Variants in WDFY3 observed in about 807,000 individuals in gnomAD.
The protein encoded by WDFY3 is WD repeat and FYVE domain-containing protein 3.
A neutral mutation model predicts 409.6 loss-of-function variants in WDFY3; 66 were observed. The observed-to-expected ratio is 0.16, with a 90% CI of 0.13 to 0.20. The LOEUF is 0.20. WDFY3 is among the 10% of genes least tolerant of loss of function. The pLI is 1.00. For missense variants in WDFY3, 3,031 were observed against 4,298.1 expected, an observed-to-expected ratio of 0.71 and a Z score of 8.24; for synonymous variants, 1,521 against 1,537.1, an observed-to-expected ratio of 0.99 and a Z score of 0.25.
In WDFY3 at chr4:84,793,795, T is replaced by C. The variant is rs193152763; in HGVS notation, c.3487+724A>G. Among the ~76,000 whole-genome samples the C allele has an allele frequency of 1.9e-3, 283 of 152,314 alleles. 2 individuals carry two copies. The highest frequency in any genetic ancestry group is 6.5e-3 in the African/African-American group (271 of 41,572). On this transcript the variant is annotated intron_variant, in intron 21 of 67. Coordinates refer to ENST00000295888, the MANE Select transcript of WDFY3 (RefSeq NM_014991.6). Reference sequence around the variant, plus strand: ...GAATACTACAACCTTACAATCTAATTAAAAGACTAACATTCATATTATATT... The same window carrying C: ...GAATACTACAACCTTACAATCTAATCAAAAGACTAACATTCATATTATATT...
rs183978842 is a variant in WDFY3 at position 84,846,417 on chromosome 4, T to C, written c.304+3485A>G. Among the ~76,000 whole-genome samples, 8 of 152,006 alleles carry C rather than the reference T, an allele frequency of 5.3e-5. No individual in the cohort carries two copies. The East Asian group carries it at 1.5e-3, about 29-fold the overall frequency. ...TACTGTAATTAACAATGAGACATCT[T>C]CTACTTGATTTAAGACATCTTTCAT... is the stretch of plus-strand genomic sequence containing the variant. On this transcript the variant is annotated intron_variant, in intron 5 of 67. Coordinates refer to ENST00000295888, the MANE Select transcript of WDFY3 (RefSeq NM_014991.6).
At chr4:84,933,459 T>C (rs1771022139) in intron 1 of WDFY3, among the ~76,000 whole-genome samples, 1 of 152,144 alleles carries the variant, frequency 6.6e-6, no homozygotes, top group African/African-American at 2.4e-5. Flanking sequence ...GATGTTTTAA[T>C]ACAGGCATAC....
intron 64 of WDFY3, among the ~76,000 whole-genome samples, 169 bp downstream of exon 64, chr4:84,682,205 A>G (rs1364800658): frequency 6.6e-6 from 1 of 152,220 alleles, no homozygotes; most frequent in Non-Finnish European, 1.5e-5. Context: ...TGAAGTAGAG[A>G]AAACCTTGCA....
At chr4:84,734,999 C>T (rs1056459753) in intron 43 of WDFY3, 44 bp downstream of exon 43, 4 of 1,548,660 alleles carry the variant, frequency 2.6e-6, no homozygotes, top group South Asian at 1.1e-5. Context: ...CTTTCACATA[C>T]AAAAAATGTA....
chr4:84,941,410 T>C (rs533085144), intron 1 of WDFY3, among the ~76,000 whole-genome samples: 2 of 151,988 alleles, frequency 1.3e-5, no homozygotes, highest in Non-Finnish European at 2.9e-5. Flanking sequence ...CCAAAACACA[T>C]GAAATGCTGA....
At chr4:84,839,911 A>C (rs1757103979) in intron 6 of WDFY3, among the ~76,000 whole-genome samples, 1 of 152,144 alleles carries the variant, frequency 6.6e-6, no homozygotes, top group South Asian at 2.1e-4. Context: ...CAAACAAATA[A>C]AAAGAAAACA....
intron 25 of WDFY3, among the ~76,000 whole-genome samples, chr4:84,781,470 A>G (rs1746514095): frequency 7.0e-6 from 1 of 142,876 alleles, no homozygotes; most frequent in Non-Finnish European, 1.5e-5. Context: ...AGCTCATTGC[A>G]GTCTCCTGGG....
chr4:84,763,039 A>AT (rs2149372498), intron 32 of WDFY3, among the ~76,000 whole-genome samples: 1 of 152,196 alleles, frequency 6.6e-6, no homozygotes, highest in East Asian at 1.9e-4. Context: ...TTTTGATTAC[A>AT]TTGCAAGTCC....
intron 2 of WDFY3, among the ~76,000 whole-genome samples, chr4:84,900,620 G>T (rs1031658223): frequency 6.6e-6 from 1 of 152,112 alleles, no homozygotes; most frequent in Non-Finnish European, 1.5e-5. Context: ...CCATTTATAT[G>T]GTGTTCTTGA....
chr4:84,781,920 A>G (rs1746593463), intron 25 of WDFY3, among the ~76,000 whole-genome samples: 1 of 152,214 alleles, frequency 6.6e-6, no homozygotes, highest in Non-Finnish European at 1.5e-5. Context: ...ATTGCCAATG[A>G]CTAATAAACA....
intron 21 of WDFY3, among the ~76,000 whole-genome samples, chr4:84,791,995 CATTTTAAAA>C (rs1257399992): frequency 6.6e-6 from 1 of 152,044 alleles, no homozygotes; most frequent in African/African-American, 2.4e-5. Context: ...TTTAAATACT[CATTTTAAAA>C]AAAATTAAGA....
At chr4:84,915,742 A>C (rs145121226) in intron 2 of WDFY3, among the ~76,000 whole-genome samples, 67 of 152,330 alleles carry the variant, frequency 4.4e-4, no homozygotes, top group African/African-American at 1.4e-3. Flanking sequence ...TCAAATTTTT[A>C]ATAATCAAAA....
At chr4:84,708,547 T>TC (rs1732371453) in intron 53 of WDFY3, among the ~76,000 whole-genome samples, 1 of 152,028 alleles carries the variant, frequency 6.6e-6, no homozygotes, top group Non-Finnish European at 1.5e-5. Flanking sequence ...TTTTTTTTTT[T>TC]CTTTGTGGAG....
intron 3 of WDFY3, among the ~76,000 whole-genome samples, chr4:84,896,370 A>G (rs1011597661): frequency 1.3e-5 from 2 of 152,164 alleles, no homozygotes; most frequent in African/African-American, 4.8e-5. Flanking sequence ...AACACATCCA[A>G]CACAAGAAAT....
At chr4:84,726,968 C>T (rs2149121031) in intron 44 of WDFY3, 57 bp from the exon 45 acceptor site, 4 of 1,491,716 alleles carry the variant, frequency 2.7e-6, no homozygotes, top group Non-Finnish European at 3.6e-6. Flanking sequence ...AAGAGGAACA[C>T]AAAAATAAAA....
At chr4:84,785,901 A>C in intron 24 of WDFY3, 78 bp downstream of exon 24, 1 of 1,499,598 alleles carries the variant, frequency 6.7e-7, no homozygotes. Context: ...CTCATAATTG[A>C]GTAGTATCCA....
chr4:84,914,670 C>A (rs1466918208), intron 2 of WDFY3, among the ~76,000 whole-genome samples: 2 of 151,884 alleles, frequency 1.3e-5, no homozygotes, highest in Admixed American at 6.6e-5. Context: ...TGGCTACTTT[C>A]CAAAAAAATG....
At chr4:84,829,810 A>AAAAT (rs201691609) in intron 8 of WDFY3, among the ~76,000 whole-genome samples, 32,314 of 138,526 alleles carry the variant, frequency 0.23, 4,185 homozygotes, top group East Asian at 0.34. Flanking sequence ...AGACTGTCTC[A>AAAAT]AAATAAATAA....
intron 2 of WDFY3, among the ~76,000 whole-genome samples, chr4:84,901,961 T>A (rs1766401626): frequency 6.6e-6 from 1 of 152,198 alleles, no homozygotes; most frequent in South Asian, 2.1e-4. Context: ...GAAGAAATAC[T>A]GCAATTCAAG....
Sources: gnomAD v4.1 joint callset for allele counts (sites outside exome capture counted in the v4.1 genomes callset) on GRCh38, gnomAD v4.1.1 for gene constraint, MANE v1.5 for transcripts, NCBI Gene and HGNC (gene_info 2026-07-23, HGNC 2026-07-21) for gene names.